SORL1: variants seen among roughly 807,000 people sequenced by gnomAD.
The protein encoded by SORL1 is sortilin related receptor 1.
SORL1 carries 127 observed loss-of-function variants against 273.7 expected under a neutral mutation model. That is an observed-to-expected ratio of 0.46 (90% confidence interval 0.40 to 0.54). The LOEUF is 0.54. Ranked by LOEUF, SORL1 falls within the 20% of genes least tolerant of loss-of-function variation. SORL1 has a pLI of 0.00. For missense variants in SORL1, 2,494 were observed against 2,846.1 expected, an observed-to-expected ratio of 0.88 and a Z score of 2.81; for synonymous variants, 1,031 against 1,067.4, an observed-to-expected ratio of 0.97 and a Z score of 0.66.
chr11:121,557,209 T>C (rs1862600675), intron 18 of SORL1, 105 bp from the exon 19 acceptor site: 1 of 831,504 alleles, frequency 1.2e-6, no homozygotes, highest in Non-Finnish European at 2.1e-6. Context: ...TAGGCAGGCA[T>C]GGAGGGGGCA....
chr11:121,482,303 T>C (rs1861403267), intron 3 of SORL1, among the ~76,000 whole-genome samples: 1 of 152,074 alleles, frequency 6.6e-6, no homozygotes, highest in South Asian at 2.1e-4. Context: ...GGGGGTGACA[T>C]GTTTGCATCC....
At chr11:121,512,505 C>G (rs1307432485) in intron 6 of SORL1, among the ~76,000 whole-genome samples, 1 of 152,194 alleles carries the variant, frequency 6.6e-6, no homozygotes, top group Non-Finnish European at 1.5e-5. Flanking sequence ...AAGATTCTCT[C>G]AAGTCTTGGT....
intron 3 of SORL1, among the ~76,000 whole-genome samples, chr11:121,487,240 G>A (rs1005620447): frequency 6.6e-6 from 1 of 152,206 alleles, no homozygotes; most frequent in Non-Finnish European, 1.5e-5. Context: ...TTGAGGGAAG[G>A]CATCTTGGGT....
Position 121,567,099 on chromosome 11 carries a change from C to A in SORL1, c.3209C>A (p.Thr1070Asn). ...CAGGGCTATCAGCTCAAGAACAATA[C>A]CTGTGTCAAACAAGGTACTTCCCTT... ...CPQGYQLKNN[T>N]CVKQENTCLR... The change falls in exon 22 of 48, where the codon ACC (threonine) becomes AAC (asparagine). Residue 1070 changes from threonine (T) to asparagine (N), a missense_variant. Thr to Asn is a moderately conservative substitution (Grantham distance 65). This residue lies in a region of SORL1 where 1,609 missense variants were observed against 1,816.4 expected (regional missense o/e 0.89). Transcript: ENST00000260197. The A allele has an allele frequency of 6.2e-7, 1 of 1,612,708 alleles. No individual in the cohort carries two copies. Among genetic ancestry groups the A allele is most frequent in the Non-Finnish European group, 8.5e-7 (1 of 1,179,480 alleles).
At chr11:121,461,968 A>G (rs1221035804) in intron 1 of SORL1, among the ~76,000 whole-genome samples, 1 of 152,220 alleles carries the variant, frequency 6.6e-6, no homozygotes, top group African/African-American at 2.4e-5. Context: ...TCTTACGACA[A>G]TCTTGAAAAA....
At position 121,606,916 on chromosome 11, in the gene SORL1, G is replaced by A. The variant is rs756121949; in HGVS notation, c.5020G>A (p.Ala1674Thr). 22 of 1,613,978 alleles carry A rather than the reference G, an allele frequency of 1.4e-5. No individual in the cohort carries two copies. Among genetic ancestry groups the A allele is most frequent in the Non-Finnish European group, 1.7e-5 (20 of 1,179,954 alleles). The stretch of plus-strand genomic sequence containing the variant: ...AGAAGGTGTGATTGTAGGCCACTGG[G>A]CTCCTCCCATCCACACCCATGGCCT... Reference protein sequence around the residue: ...EAEGVIVGHWAPPIHTHGLIR... With the variant: ...EAEGVIVGHWTPPIHTHGLIR... Residue 1674 changes from alanine to threonine, a missense_variant, in exon 36 of 48, where the codon GCT (alanine) becomes ACT (threonine). By Grantham distance (58) the Ala-to-Thr change is moderately conservative (BLOSUM62 0). Around this residue, in one of 3 missense-constraint regions of SORL1, gnomAD observed 1,609 missense variants for 1,816.4 expected, o/e 0.89. Transcript: ENST00000260197.
rs759734325 is a variant in SORL1 at position 121,607,255 on chromosome 11, A to G, written c.5131A>G (p.Lys1711Glu). ...GGCTGCTAGTAACTTTACAGAAATC[A>G]AGAACTTATTGGTCAACACTCTATA... ...QRAASNFTEI[K>E]NLLVNTLYTV... is the part of the protein sequence containing the mutation. Residue 1711 changes from lysine (K) to glutamate (E), a missense_variant, in exon 37 of 48, where the codon AAG becomes GAG. Lys to Glu is a moderately conservative substitution (Grantham distance 56). Around this residue, in one of 3 missense-constraint regions of SORL1, gnomAD observed 1,609 missense variants for 1,816.4 expected, o/e 0.89. Coordinates refer to ENST00000260197, the MANE Select transcript of SORL1 (RefSeq NM_003105.6). 1.9e-6 allele frequency: 3 copies of G among 1,610,380 alleles called. No homozygotes were observed. The African/African-American group carries it at 4.0e-5, about 22-fold the overall frequency.
chr11:121,514,917 A>G (rs1392966483), intron 8 of SORL1, among the ~76,000 whole-genome samples: 1 of 152,122 alleles, frequency 6.6e-6, no homozygotes, highest in African/African-American at 2.4e-5. Flanking sequence ...ATTGGTTCTT[A>G]AGATCCGTTC....
At chr11:121,459,856 G>T (rs571083452) in intron 1 of SORL1, among the ~76,000 whole-genome samples, 1 of 152,168 alleles carries the variant, frequency 6.6e-6, no homozygotes, top group Non-Finnish European at 1.5e-5. Flanking sequence ...CACTACAGGC[G>T]TGTGGTCTTC....
intron 1 of SORL1, among the ~76,000 whole-genome samples, chr11:121,467,639 A>G (rs948969291): frequency 2.0e-5 from 3 of 151,774 alleles, no homozygotes; most frequent in Non-Finnish European, 4.4e-5. Flanking sequence ...GGAGGGGAGG[A>G]AACTTTTAGC....
At chr11:121,543,852 A>T in intron 13 of SORL1, 126 bp downstream of exon 13, 1 of 793,256 alleles carries the variant, frequency 1.3e-6, no homozygotes, top group East Asian at 2.7e-5. Context: ...ATGGGCCCAT[A>T]AGAGTTAGCA....
intron 32 of SORL1, among the ~76,000 whole-genome samples, chr11:121,598,227 G>C (rs1446327895): frequency 6.6e-6 from 1 of 152,226 alleles, no homozygotes; most frequent in African/African-American, 2.4e-5. Flanking sequence ...TTGGAAGCCA[G>C]GTGCCCATTA....
At chr11:121,569,278 T>C (rs1353916214) in intron 22 of SORL1, among the ~76,000 whole-genome samples, 1 of 152,160 alleles carries the variant, frequency 6.6e-6, no homozygotes, top group Non-Finnish European at 1.5e-5. Context: ...AGAGCATGTG[T>C]GTTTGAACAA....
intron 1 of SORL1, among the ~76,000 whole-genome samples, chr11:121,454,103 T>G (rs746487913): frequency 5.9e-5 from 9 of 152,246 alleles, no homozygotes; most frequent in Non-Finnish European, 8.8e-5. Flanking sequence ...CCACCCCATA[T>G]GACAAATATG....
intron 1 of SORL1, among the ~76,000 whole-genome samples, chr11:121,467,030 CTTT>C (rs58596501): frequency 4.0e-5 from 5 of 125,294 alleles, no homozygotes; most frequent in Admixed American, 8.8e-5. Flanking sequence ...TTCTTTTTTT[CTTT>C]TTTTTTTTTT....
At chr11:121,523,765 G>A (rs1565324060) in intron 11 of SORL1, among the ~76,000 whole-genome samples, 2 of 152,174 alleles carry the variant, frequency 1.3e-5, no homozygotes, top group Non-Finnish European at 2.9e-5. Context: ...GACAGGATGA[G>A]CACCTTGTCA....
Position 121,604,275 on chromosome 11 carries a change from C to T in SORL1, c.4602C>T (p.Cys1534=), listed in dbSNP as rs372370099. The T allele has an allele frequency of 1.2e-5, 19 of 1,613,900 alleles. No homozygotes were observed. The highest frequency in any genetic ancestry group is 2.2e-5 in the South Asian group (2 of 91,086). Residue 1534 remains cysteine, a synonymous_variant, in exon 33 of 48, where the codon TGC becomes TGT. Coordinates refer to ENST00000260197, the MANE Select transcript of SORL1 (RefSeq NM_003105.6). ...CCTGCATTGTGCTCTCGGAGCGCTG[C>T]GACGGCTTCCTGGACTGCTCGGACG... The part of the protein sequence containing the change: ...GEACIVLSER[C]DGFLDCSDES...
In SORL1 at chr11:121,603,963, AGTTT is replaced by A. The variant is rs905656517; in HGVS notation, c.4520-224_4520-221del. 1.4e-4 allele frequency among the ~76,000 whole-genome samples: 21 copies of A among 152,284 alleles called. 1 individual carries two copies. Among genetic ancestry groups the A allele is most frequent in the Admixed American group, 1.3e-3 (20 of 15,302 alleles). On this transcript the variant is annotated intron_variant, in intron 32 of 47. Coordinates refer to ENST00000260197, the MANE Select transcript of SORL1 (RefSeq NM_003105.6). ...CATGCAGATCTAGGATTTAAACTCT[AGTTT>A]GTTTGACTCCAAAGTGCTCACTCTT...
chr11:121,514,274 C>G lies in SORL1; in HGVS notation c.1164C>G (p.Asn388Lys). 1.2e-6 allele frequency: 2 copies of G among 1,614,190 alleles called. No homozygotes were observed. The highest frequency in any genetic ancestry group is 1.7e-6 in the Non-Finnish European group (2 of 1,180,044). The change falls in exon 8 of 48, where the codon AAC becomes AAG. Residue 388 changes from asparagine to lysine, a missense_variant. Asn to Lys is a moderately conservative substitution (Grantham distance 94). This residue lies in a region of SORL1 where 710 missense variants were observed against 882.5 expected (regional missense o/e 0.80). Coordinates refer to ENST00000260197, the MANE Select transcript of SORL1 (RefSeq NM_003105.6). ...TGAAGTTCTCCCTGTCCTTGGAGAA[C>G]GTGCTCTATTACAGCCCAGGAGGGG... is the stretch of plus-strand genomic sequence containing the variant. ...EGLKFSLSLE[N>K]VLYYSPGGAG...
Sources: allele counts gnomAD v4.1 joint callset (sites outside exome capture counted in the v4.1 genomes callset), GRCh38; gene constraint gnomAD v4.1.1; regional missense constraint gnomAD v4.1.1; transcripts MANE v1.5; gene names NCBI Gene and HGNC (gene_info 2026-07-23, HGNC 2026-07-21).